The following SDK1 variants were observed in gnomAD, a reference collection of about 807,000 sequenced individuals.
SDK1 encodes the protein sidekick cell adhesion molecule 1.
In SDK1, 157 loss-of-function variants were observed where a neutral mutation model predicts 245.5. That is an observed-to-expected ratio of 0.64 (90% confidence interval 0.56 to 0.73). SDK1 has a LOEUF of 0.73. Among genes scored for constraint, SDK1 ranks in the 30% least tolerant of loss-of-function variants. SDK1 has a pLI of 0.00. For missense variants in SDK1, 3,583 were observed against 3,002.3 expected, an observed-to-expected ratio of 1.19 and a Z score of -4.52; for synonymous variants, 1,647 against 1,278.5, an observed-to-expected ratio of 1.29 and a Z score of -6.15.
At chr7:3,571,055 T>G (rs1780098625) in intron 1 of SDK1, among the ~76,000 whole-genome samples, 1 of 152,062 alleles carries the variant, frequency 6.6e-6, no homozygotes, top group Non-Finnish European at 1.5e-5. Flanking sequence ...CTTAATGAAA[T>G]TCGGATCTTC....
chr7:3,769,102 T>C lies in SDK1; in HGVS notation c.714-52348T>C, dbSNP rs1780335135. On this transcript the variant is annotated intron_variant, in intron 4 of 44. Transcript: ENST00000404826. Reference sequence around the variant, plus strand: ...AAGACTTTTTATTTGGAAACAATTATTGAATTGCATGCACTTTTAAGAAGT... The same window carrying C: ...AAGACTTTTTATTTGGAAACAATTACTGAATTGCATGCACTTTTAAGAAGT... Among the ~76,000 whole-genome samples, 6 of 152,242 alleles carry C rather than the reference T, an allele frequency of 3.9e-5. No homozygotes were observed. The South Asian group carries it at 1.0e-3, about 26-fold the overall frequency.
chr7:3,872,595 T>A (rs79984836), intron 5 of SDK1, among the ~76,000 whole-genome samples: 2 of 151,224 alleles, frequency 1.3e-5, no homozygotes, highest in African/African-American at 4.8e-5. Context: ...TTTTTTTTTT[T>A]ACATATGTGA....
chr7:3,673,562 T>G (rs13223746), intron 4 of SDK1, among the ~76,000 whole-genome samples: 86,929 of 152,140 alleles, frequency 0.57, 26,864 homozygotes, highest in Non-Finnish European at 0.71. Context: ...ATGAGTTTAT[T>G]AACATTCACT....
chr7:3,678,164 T>A (rs1023422423), intron 4 of SDK1, among the ~76,000 whole-genome samples: 1 of 152,088 alleles, frequency 6.6e-6, no homozygotes, highest in African/African-American at 2.4e-5. Context: ...AACAGTGGGG[T>A]CCTTGTGCAT....
chr7:3,617,953 G>A (rs1781820479), intron 1 of SDK1, among the ~76,000 whole-genome samples: 1 of 152,176 alleles, frequency 6.6e-6, no homozygotes, highest in Non-Finnish European at 1.5e-5. Flanking sequence ...CTCGGTGTGA[G>A]CAGAGAGGGG....
chr7:4,076,956 C>G, intron 20 of SDK1, 42 bp from the exon 21 acceptor site: 1 of 1,561,476 alleles, frequency 6.4e-7, no homozygotes, highest in East Asian at 2.2e-5. Flanking sequence ...GAGCCCTTGG[C>G]CTTCAGGAGA....
intron 12 of SDK1, among the ~76,000 whole-genome samples, chr7:3,974,038 G>A (rs1202648922): frequency 6.6e-6 from 1 of 151,688 alleles, no homozygotes; most frequent in East Asian, 1.9e-4. Context: ...AAAAAAATTA[G>A]CCAAGCATGG....
intron 1 of SDK1, among the ~76,000 whole-genome samples, chr7:3,384,307 A>C (rs1781558256): frequency 6.6e-6 from 1 of 152,096 alleles, no homozygotes. Flanking sequence ...ATATACTCTG[A>C]TTTTCATTTT....
At chr7:4,204,458 A>G (rs1435769823) in intron 35 of SDK1, among the ~76,000 whole-genome samples, 1 of 151,622 alleles carries the variant, frequency 6.6e-6, no homozygotes, top group Non-Finnish European at 1.5e-5. Flanking sequence ...AACAAAATAA[A>G]TAGTTGGTGT....
chr7:3,608,728 G>A lies in SDK1; in HGVS notation c.299-10352G>A, dbSNP rs187750870. The stretch of plus-strand genomic sequence containing the variant: ...TGGATAAGATCCATTCCAAGTACAG[G>A]ACAGTCTGAAAGATGTTAATGTAAC... On this transcript the variant is annotated intron_variant, in intron 1 of 44. Coordinates refer to ENST00000404826, the MANE Select transcript of SDK1 (RefSeq NM_152744.4). 1.3e-3 allele frequency among the ~76,000 whole-genome samples: 192 copies of A among 152,302 alleles called. 1 individual carries two copies. The highest frequency in any genetic ancestry group is 4.2e-3 in the African/African-American group (175 of 41,574).
At chr7:3,651,722 T>C (rs1275788154) in intron 4 of SDK1, among the ~76,000 whole-genome samples, 2 of 152,162 alleles carry the variant, frequency 1.3e-5, no homozygotes, top group African/African-American at 2.4e-5. Context: ...TCTATACATA[T>C]TATGGTGTAA....
intron 4 of SDK1, among the ~76,000 whole-genome samples, chr7:3,649,224 G>T (rs1331112798): frequency 6.6e-6 from 1 of 152,158 alleles, no homozygotes; most frequent in East Asian, 1.9e-4. Flanking sequence ...TAAGCTGGAG[G>T]GGGTTGAATT....
intron 28 of SDK1, among the ~76,000 whole-genome samples, chr7:4,140,107 C>G (rs1779474942): frequency 6.6e-6 from 1 of 152,168 alleles, no homozygotes; most frequent in Non-Finnish European, 1.5e-5. Flanking sequence ...CACAGGTTCC[C>G]TTCCTCGTGC....
At chr7:3,695,674 C>T (rs1268593482) in intron 4 of SDK1, among the ~76,000 whole-genome samples, 1 of 152,184 alleles carries the variant, frequency 6.6e-6, no homozygotes, top group South Asian at 2.1e-4. Context: ...TTAAGCATTT[C>T]AACTCAACAC....
rs186886641 is a variant in SDK1 at position 3,596,996 on chromosome 7, C to T, written c.299-22084C>T. Among the ~76,000 whole-genome samples, 367 of 152,242 alleles carry T rather than the reference C, an allele frequency of 2.4e-3. 3 individuals are homozygous for T. Among genetic ancestry groups the T allele is most frequent in the South Asian group, 0.018 (85 of 4,826 alleles). On this transcript the variant is annotated intron_variant, in intron 1 of 44. Transcript: ENST00000404826. ...GTATAAGAGTAGGTTACAGGCTGAG[C>T]GAGGTGACTCACACCTGTAACCCCA...
chr7:3,452,185 T>C (rs1780534541), intron 1 of SDK1, among the ~76,000 whole-genome samples: 1 of 152,214 alleles, frequency 6.6e-6, no homozygotes, highest in South Asian at 2.1e-4. Context: ...CGTGTCAGCT[T>C]TCTTTAGGAC....
intron 1 of SDK1, among the ~76,000 whole-genome samples, chr7:3,565,836 A>T (rs1222434002): frequency 3.9e-5 from 6 of 152,224 alleles, no homozygotes; most frequent in African/African-American, 1.4e-4. Flanking sequence ...GTACATATTC[A>T]GTACAAATGC....
At chr7:3,302,199 T>G (rs368237257) in intron 1 of SDK1, 57 of 153,842 alleles carry the variant, frequency 3.7e-4, no homozygotes, top group African/African-American at 1.3e-3. Context: ...CCCTTCCCAT[T>G]GCATGGATGA....
At chr7:3,783,290 C>G (rs755284728) in intron 4 of SDK1, among the ~76,000 whole-genome samples, 1 of 152,094 alleles carries the variant, frequency 6.6e-6, no homozygotes, top group African/African-American at 2.4e-5. Context: ...AAAGCCTTTC[C>G]TCTGACATAG....
Sources: allele counts gnomAD v4.1 joint callset (sites outside exome capture counted in the v4.1 genomes callset), GRCh38; gene constraint gnomAD v4.1.1; transcripts MANE v1.5; gene names NCBI Gene and HGNC (gene_info 2026-07-23, HGNC 2026-07-21).